Variants in PRKCB observed in about 807,000 individuals in gnomAD.
PRKCB encodes protein kinase C beta.
A neutral mutation model predicts 81.5 loss-of-function variants in PRKCB; 13 were observed. The observed-to-expected ratio is 0.16, with a 90% confidence interval of 0.10 to 0.25. PRKCB has a LOEUF of 0.25. Ranked by LOEUF, PRKCB falls within the 10% of genes least tolerant of loss-of-function variation. The pLI is 1.00. For synonymous variants in PRKCB, 335 were observed against 321.4 expected (o/e 1.04, Z -0.45); for missense variants, 509 against 875.7 (o/e 0.58, Z 5.29).
At chr16:24,188,312 C>G (rs909622031) in intron 15 of PRKCB, among the ~76,000 whole-genome samples, 1 of 152,178 alleles carries the variant, frequency 6.6e-6, no homozygotes, top group African/African-American at 2.4e-5. Context: ...CAAATGCTTC[C>G]TCTGGAACAG....
intron 10 of PRKCB, among the ~76,000 whole-genome samples, chr16:24,166,862 TAG>T (rs1967354922): frequency 6.6e-6 from 1 of 152,292 alleles, no homozygotes; most frequent in East Asian, 1.9e-4. Context: ...TGATAGATCT[TAG>T]GGTTTCCCTG....
chr16:23,895,566 G>T (rs988919686), intron 2 of PRKCB, among the ~76,000 whole-genome samples: 1 of 151,954 alleles, frequency 6.6e-6, no homozygotes, highest in East Asian at 1.9e-4. Context: ...AACAAATTTT[G>T]TTTTGTACAT....
At chr16:24,074,215 G>A (rs1966150117) in intron 5 of PRKCB, among the ~76,000 whole-genome samples, 1 of 152,276 alleles carries the variant, frequency 6.6e-6, no homozygotes, top group Middle Eastern at 3.4e-3. Context: ...CCATGGTTAT[G>A]GATTTCATAA....
intron 3 of PRKCB, among the ~76,000 whole-genome samples, chr16:24,006,945 T>C (rs1965131566): frequency 1.3e-5 from 2 of 152,202 alleles, no homozygotes; most frequent in Non-Finnish European, 2.9e-5. Flanking sequence ...GATGACAGGC[T>C]TCACCTGAAG....
At chr16:24,096,666 A>AATATATAT (rs58341820) in intron 7 of PRKCB, among the ~76,000 whole-genome samples, 231 of 32,358 alleles carry the variant, frequency 7.1e-3, no homozygotes, top group South Asian at 0.014. Context: ...AAAAAAAAAA[A>AATATATAT]ATATATATAT....
At chr16:23,950,132 A>AGTTTG (rs55986931) in intron 2 of PRKCB, among the ~76,000 whole-genome samples, 2 of 97,760 alleles carry the variant, frequency 2.0e-5, no homozygotes, top group Admixed American at 1.2e-4. Context: ...TATGATTTGA[A>AGTTTG]TTTTTTTTTT....
rs1555481643 is a variant in PRKCB, at chr16:23,882,000, T to TTCTTTCTTTCTTTCTTTC, written c.205+44596_205+44613dup. On this transcript the variant is annotated intron_variant, in intron 2 of 16. Transcript: ENST00000643927. The stretch of plus-strand genomic sequence containing the variant: ...TTTCTTTCTTTCTTTCTTTCTTTCT[T>TTCTTTCTTTCTTTCTTTC]TCTTTCTTTCTTTCTTTCTTTCTTC... Among the ~76,000 whole-genome samples the TTCTTTCTTTCTTTCTTTC allele has an allele frequency of 5.8e-4, 47 of 81,702 alleles. 3 individuals are homozygous for TTCTTTCTTTCTTTCTTTC. Among genetic ancestry groups the TTCTTTCTTTCTTTCTTTC allele is most frequent in the African/African-American group, 2.4e-3 (45 of 18,498 alleles). 53.6% of individuals were successfully genotyped at this position (81,702 alleles called of 152,430 possible).
At chr16:23,842,749 C>T (rs1327347783) in intron 2 of PRKCB, among the ~76,000 whole-genome samples, 1 of 152,126 alleles carries the variant, frequency 6.6e-6, no homozygotes, top group Non-Finnish European at 1.5e-5. Context: ...TTAAAAAACC[C>T]CAAAGTCTGA....
At chr16:23,908,451 C>A (rs761039703) in intron 2 of PRKCB, among the ~76,000 whole-genome samples, 2 of 152,198 alleles carry the variant, frequency 1.3e-5, no homozygotes, top group Admixed American at 6.5e-5. Context: ...GGCTCTAACA[C>A]AGGTGCAGGT....
At chr16:24,195,540 T>C (rs1382852254) in intron 16 of PRKCB, among the ~76,000 whole-genome samples, 1 of 152,252 alleles carries the variant, frequency 6.6e-6, no homozygotes, top group Non-Finnish European at 1.5e-5. Context: ...TATTGGAGGT[T>C]CATTAAAATA....
At chr16:24,158,658 A>G (rs1967207001) in intron 10 of PRKCB, among the ~76,000 whole-genome samples, 1 of 148,398 alleles carries the variant, frequency 6.7e-6, no homozygotes, top group Admixed American at 6.7e-5. Context: ...GTGTATATGT[A>G]TAAGTATATG....
intron 2 of PRKCB, among the ~76,000 whole-genome samples, chr16:23,855,109 G>T (rs145781441): frequency 6.6e-6 from 1 of 151,966 alleles, no homozygotes; most frequent in Non-Finnish European, 1.5e-5. Context: ...GGAAGACAAA[G>T]CCCCTGTACT....
chr16:23,981,599 C>T (rs1964705027), intron 2 of PRKCB, among the ~76,000 whole-genome samples: 1 of 150,520 alleles, frequency 6.6e-6, no homozygotes, highest in African/African-American at 2.5e-5. Flanking sequence ...CCTTCCCTTC[C>T]CTTCCCTTTC....
chr16:24,032,341 T>G, intron 4 of PRKCB, 94 bp downstream of exon 4: 5 of 804,142 alleles, frequency 6.2e-6, no homozygotes, highest in Non-Finnish European at 6.1e-6. Context: ...CTGCCATACA[T>G]TCCCCCCTGT....
At chr16:23,884,019 T>C (rs1447683380) in intron 2 of PRKCB, among the ~76,000 whole-genome samples, 2 of 152,220 alleles carry the variant, frequency 1.3e-5, no homozygotes, top group Non-Finnish European at 2.9e-5. Flanking sequence ...ATGAGATATT[T>C]TACTTCCCCG....
intron 2 of PRKCB, among the ~76,000 whole-genome samples, chr16:23,866,754 T>C (rs1368749854): frequency 1.3e-5 from 2 of 152,356 alleles, no homozygotes; most frequent in South Asian, 4.1e-4. Context: ...TTTTGCCAAA[T>C]GTTCTCCAGA....
At chr16:24,209,231 G>A (rs1476591303) in intron 16 of PRKCB, among the ~76,000 whole-genome samples, 2 of 152,098 alleles carry the variant, frequency 1.3e-5, no homozygotes, top group African/African-American at 2.4e-5. Flanking sequence ...AACACGCACG[G>A]GTCTGCCTTA....
At chr16:23,976,506 A>G (rs1964628667) in intron 2 of PRKCB, among the ~76,000 whole-genome samples, 1 of 152,204 alleles carries the variant, frequency 6.6e-6, no homozygotes, top group Non-Finnish European at 1.5e-5. Flanking sequence ...CCTTAGAGCC[A>G]GAGGATGAGG....
chr16:23,984,460 A>G (rs771821527), intron 2 of PRKCB, among the ~76,000 whole-genome samples: 1 of 152,258 alleles, frequency 6.6e-6, no homozygotes, highest in East Asian at 1.9e-4. Context: ...CAAGTAAGCA[A>G]TACAATCACA....
Sources: allele counts gnomAD v4.1 joint callset (sites outside exome capture counted in the v4.1 genomes callset), GRCh38; gene constraint gnomAD v4.1.1; transcripts MANE v1.5; gene names NCBI Gene and HGNC (gene_info 2026-07-23, HGNC 2026-07-21).